MYO9A: variants seen among roughly 807,000 people sequenced by gnomAD.
The protein encoded by MYO9A is myosin IXA, also known as unconventional myosin-IXa.
MYO9A carries 103 observed loss-of-function variants against 293.3 expected under a neutral mutation model. The observed-to-expected ratio is 0.35, with a 90% CI of 0.30 to 0.41. The LOEUF (loss-of-function observed/expected upper bound fraction) is 0.41. MYO9A is among the 10% of genes least tolerant of loss of function. The pLI, the probability that MYO9A is intolerant of heterozygous loss-of-function variation, is 1.00. For synonymous variants in MYO9A, 1,001 were observed against 1,035.7 expected (o/e 0.97, Z 0.64); for missense variants, 2,685 against 3,033.0 (o/e 0.89, Z 2.69).
At chr15:71,896,394 T>C (rs973145412) in intron 25 of MYO9A, among the ~76,000 whole-genome samples, 32 of 152,288 alleles carry the variant, frequency 2.1e-4, no homozygotes, top group African/African-American at 7.5e-4. Context: ...ATAAAGATAA[T>C]ACAAGTATCT....
chr15:72,044,313 G>A (rs1334188868), intron 2 of MYO9A, among the ~76,000 whole-genome samples: 1 of 151,974 alleles, frequency 6.6e-6, no homozygotes, highest in African/African-American at 2.4e-5. Context: ...GGCCGAGGCA[G>A]GAGAATCCCT....
chr15:71,916,290 C>T, intron 19 of MYO9A, 80 bp downstream of exon 19: 2 of 1,473,556 alleles, frequency 1.4e-6, no homozygotes, highest in Non-Finnish European at 1.8e-6. Flanking sequence ...CATTCAAGTA[C>T]CCTGCAGATC....
chr15:71,983,606 C>G (rs2076336770), intron 11 of MYO9A, among the ~76,000 whole-genome samples: 1 of 151,662 alleles, frequency 6.6e-6, no homozygotes, highest in Non-Finnish European at 1.5e-5. Flanking sequence ...CCTCAGCCTC[C>G]TGAGTAGCTG....
chr15:72,088,935 T>C (rs963329086), intron 1 of MYO9A, among the ~76,000 whole-genome samples: 1 of 152,250 alleles, frequency 6.6e-6, no homozygotes, highest in Non-Finnish European at 1.5e-5. Context: ...AGTCATCCAG[T>C]CTCCCTTCTC....
chr15:71,955,623 T>A (rs1190234316), intron 14 of MYO9A, among the ~76,000 whole-genome samples: 1 of 152,244 alleles, frequency 6.6e-6, no homozygotes, highest in Non-Finnish European at 1.5e-5. Flanking sequence ...ATTCAGGAAC[T>A]ATTATGAATA....
chr15:71,890,600 G>C (rs2057147398), intron 26 of MYO9A: 1 of 152,180 alleles, frequency 6.6e-6, no homozygotes, highest in South Asian at 2.1e-4. Flanking sequence ...GCAGCACATA[G>C]AGACTAAACA....
At chr15:71,971,324 TATG>T (rs2076005341) in intron 12 of MYO9A, among the ~76,000 whole-genome samples, 1 of 151,800 alleles carries the variant, frequency 6.6e-6, no homozygotes, top group South Asian at 2.1e-4. Flanking sequence ...GTGATTCTCA[TATG>T]TAATCCCAGC....
chr15:71,925,483 T>C (rs2058288045), intron 18 of MYO9A, among the ~76,000 whole-genome samples: 1 of 151,824 alleles, frequency 6.6e-6, no homozygotes, highest in African/African-American at 2.4e-5. Context: ...TCTCTTACTA[T>C]TTATCTGTCT....
intron 39 of MYO9A, among the ~76,000 whole-genome samples, chr15:71,834,825 A>T (rs1053852954): frequency 6.6e-5 from 10 of 152,168 alleles, no homozygotes; most frequent in Admixed American, 1.3e-4. Flanking sequence ...TTACTCATAA[A>T]CACATGCAAA....
Position 71,888,007 on chromosome 15 carries a change from A to G in MYO9A, c.5252T>C (p.Ile1751Thr), listed in dbSNP as rs763229149. ...TAACTCCGTGTATACTTTATACCTT[A>G]TATCTGAATCTGAAGCCTTCTGTCT... is the stretch of plus-strand genomic sequence containing the variant. ...AVRQKASDSD[I>T]RPQRAKMRFW... The change falls in exon 27 of 42, where the codon ATA becomes ACA. Residue 1751 changes from isoleucine (I) to threonine (T), a missense_variant. Transcript: ENST00000356056. The G allele has an allele frequency of 6.5e-6, 10 of 1,537,908 alleles. No homozygotes were observed. The African/African-American group carries it at 6.9e-5, about 11-fold the overall frequency.
intron 18 of MYO9A, among the ~76,000 whole-genome samples, chr15:71,926,542 A>C (rs1254576837): frequency 2.0e-5 from 3 of 152,112 alleles, no homozygotes; most frequent in Non-Finnish European, 4.4e-5. Context: ...GATCCTGTCT[A>C]CCAAAAACAG....
intron 40 of MYO9A, among the ~76,000 whole-genome samples, chr15:71,828,986 TG>T (rs2054615956): frequency 6.6e-6 from 1 of 152,196 alleles, no homozygotes; most frequent in Non-Finnish European, 1.5e-5. Flanking sequence ...TTGAGATCCA[TG>T]AACAATCATT....
Position 72,048,575 on chromosome 15 carries a change from A to G in MYO9A, c.-71-1941T>C, listed in dbSNP as rs117159966. ...TACCTATCAATCTGTTCTGGGCTCT[A>G]TAGTCTGTTCCATAGGTCTATTTTT... On this transcript the variant is annotated intron_variant, in intron 1 of 41. Coordinates refer to ENST00000356056, the MANE Select transcript of MYO9A (RefSeq NM_006901.4). 2.5e-3 allele frequency among the ~76,000 whole-genome samples: 375 copies of G among 152,238 alleles called. 3 individuals carry two copies. Among genetic ancestry groups the G allele is most frequent in the Non-Finnish European group, 3.5e-3 (237 of 68,000 alleles).
At chr15:72,117,496 A>G (rs2081036014) in intron 1 of MYO9A, among the ~76,000 whole-genome samples, 184 bp downstream of exon 1, 1 of 151,304 alleles carries the variant, frequency 6.6e-6, no homozygotes, top group Non-Finnish European at 1.5e-5. Context: ...AATGGAAGAT[A>G]CAGGGGGTGG....
intron 13 of MYO9A, among the ~76,000 whole-genome samples, chr15:71,961,881 G>A (rs2075755062): frequency 6.6e-6 from 1 of 151,908 alleles, no homozygotes; most frequent in African/African-American, 2.4e-5. Flanking sequence ...CACCACGTCT[G>A]GCTAATTTTT....
intron 1 of MYO9A, among the ~76,000 whole-genome samples, chr15:72,087,535 G>A (rs1436787097): frequency 2.6e-5 from 4 of 152,156 alleles, no homozygotes; most frequent in East Asian, 3.9e-4. Flanking sequence ...CAACTCACCC[G>A]TTTCCCTGGA....
rs530510359 is a variant in MYO9A at position 72,017,217 on chromosome 15, T to C, written c.1155+1822A>G. The stretch of plus-strand genomic sequence containing the variant: ...TTTGTAGAGATAGGGTATTGCCTTG[T>C]TGCTCAAGCTAGTCTCAAACTCCCA... On this transcript the variant is annotated intron_variant, in intron 6 of 41. Coordinates refer to ENST00000356056, the MANE Select transcript of MYO9A (RefSeq NM_006901.4). Among the ~76,000 whole-genome samples, 5 of 152,090 alleles carry C rather than the reference T, an allele frequency of 3.3e-5. No individual in the cohort carries two copies. The South Asian group carries it at 8.3e-4, about 25-fold the overall frequency.
rs867816940 is a variant in MYO9A at position 71,975,390 on chromosome 15, C to T, written c.1844+2781G>A. On this transcript the variant is annotated intron_variant, in intron 12 of 41. Transcript: ENST00000356056. ...CCTTTGGCCTATGACGTGATTTTAT[C>T]GTGTGTGTGTGTGTGTGTGTGTGTG... Among the ~76,000 whole-genome samples, 6 of 86,674 alleles carry T rather than the reference C, an allele frequency of 6.9e-5. 1 individual carries two copies. Among genetic ancestry groups the T allele is most frequent in the African/African-American group, 1.1e-4 (2 of 19,018 alleles). The allele number at this position is 86,674 out of a possible 152,430, so 56.9% of individuals were successfully genotyped here.
intron 39 of MYO9A, among the ~76,000 whole-genome samples, chr15:71,837,757 T>G (rs1446884386): frequency 2.0e-5 from 3 of 152,264 alleles, no homozygotes; most frequent in South Asian, 4.1e-4. Context: ...TTTTAAAAAG[T>G]TGATTACATG....
Sources: allele counts gnomAD v4.1 joint callset (sites outside exome capture counted in the v4.1 genomes callset), GRCh38; gene constraint gnomAD v4.1.1; transcripts MANE v1.5; gene names NCBI Gene and HGNC (gene_info 2026-07-23, HGNC 2026-07-21).